The following STRA6 variants were observed in gnomAD, a reference collection of about 807,000 sequenced individuals.
The protein encoded by STRA6 is signaling receptor and transporter of retinol STRA6.
Under a neutral mutation model 83.6 loss-of-function variants are expected in STRA6, and 48 were observed. The observed-to-expected ratio is 0.57, with a 90% CI of 0.46 to 0.73. STRA6 has a LOEUF of 0.73. Ranked by LOEUF, STRA6 falls within the 30% of genes least tolerant of loss-of-function variation. The pLI, the probability that STRA6 is intolerant of heterozygous loss-of-function variation, is 0.00. For missense variants in STRA6, 760 were observed against 838.8 expected (o/e 0.91, Z 1.16); for synonymous variants, 353 against 362.3 (o/e 0.97, Z 0.29).
rs1250249300 is a variant in STRA6 at position 74,197,430 on chromosome 15, G to A, written c.181-7C>T. On this transcript the variant is annotated splice_polypyrimidine_tract_variant and splice_region_variant and intron_variant, in intron 3 of 18. Coordinates refer to ENST00000395105, the MANE Select transcript of STRA6 (RefSeq NM_022369.4). The stretch of plus-strand genomic sequence containing the variant: ...GGAGCAGCAGCACAAGGATCTGAAA[G>A]GAGAGTGCAGAGGAGGGCTTGGGGT... The A allele has an allele frequency of 6.4e-7, 1 of 1,550,400 alleles. No homozygotes were observed. Among genetic ancestry groups the A allele is most frequent in the Non-Finnish European group, 8.7e-7 (1 of 1,146,806 alleles).
upstream of STRA6, chr15:74,203,227 T>A: frequency 2.0e-6 from 2 of 985,060 alleles, no homozygotes; most frequent in Non-Finnish European, 2.4e-6. Flanking sequence ...TTCCTACAAG[T>A]TGATTTCACA....
intron 4 of STRA6, 119 bp downstream of exon 4, chr15:74,197,219 G>A (rs531915753): frequency 9.7e-6 from 7 of 723,778 alleles, no homozygotes; most frequent in African/African-American, 5.2e-5. Context: ...GGCTGAGGGC[G>A]ATAGGGATGT....
chr15:74,184,773 C>T (rs568874232), intron 13 of STRA6, among the ~76,000 whole-genome samples: 2 of 152,226 alleles, frequency 1.3e-5, no homozygotes, highest in Admixed American at 6.5e-5. Context: ...CACTCACAGA[C>T]GTTTCCCCAA....
At chr15:74,201,363 T>C (rs1326485664) in intron 2 of STRA6, among the ~76,000 whole-genome samples, 1 of 152,114 alleles carries the variant, frequency 6.6e-6, no homozygotes, top group Non-Finnish European at 1.5e-5. Flanking sequence ...AGATAAGGGA[T>C]GGGGCCAGGC....
chr15:74,203,387 T>C (rs2074171843), upstream of STRA6, among the ~76,000 whole-genome samples: 1 of 152,026 alleles, frequency 6.6e-6, no homozygotes, highest in African/African-American at 2.4e-5. Context: ...GGAGGAGGGC[T>C]CCTCCGCATT....
At chr15:74,201,436 T>C (rs1028435645) in intron 2 of STRA6, among the ~76,000 whole-genome samples, 1 of 150,706 alleles carries the variant, frequency 6.6e-6, no homozygotes, top group African/African-American at 2.4e-5. Flanking sequence ...TGGCAGGAGG[T>C]GGGGGACACA....
intron 2 of STRA6, among the ~76,000 whole-genome samples, chr15:74,200,055 A>G (rs958621989): frequency 2.7e-5 from 4 of 150,904 alleles, no homozygotes; most frequent in Admixed American, 2.6e-4. Flanking sequence ...TGTCTCCACT[A>G]AAAATACAAA....
intron 7 of STRA6, chr15:74,194,449 A>G: frequency 2.1e-6 from 2 of 972,062 alleles, no homozygotes; most frequent in Non-Finnish European, 2.5e-6. Flanking sequence ...GTGGTGAAAA[A>G]AAGCCACCAA....
intron 4 of STRA6, 54 bp from the exon 5 acceptor site, chr15:74,196,201 C>T: frequency 6.2e-7 from 1 of 1,604,854 alleles, no homozygotes. Context: ...CCTGCACCCC[C>T]ATTACCTCCC....
chr15:74,190,963 C>T lies in STRA6; in HGVS notation c.866-62G>A, dbSNP rs759040522. 3 of 1,609,560 alleles carry T rather than the reference C, an allele frequency of 1.9e-6. No individual in the cohort carries two copies. The African/African-American group carries it at 4.0e-5, about 22-fold the overall frequency. ...CCACTCAGGCCCGGGAGCCCTCCTC[C>T]CTCCCAAGGGGCCCAGGAAAAGGGC... On this transcript the variant is annotated intron_variant, in intron 10 of 18. Transcript: ENST00000395105.
chr15:74,199,097 G>A (rs960889486), intron 2 of STRA6, among the ~76,000 whole-genome samples: 11 of 152,200 alleles, frequency 7.2e-5, no homozygotes, highest in Non-Finnish European at 1.5e-5. Flanking sequence ...GTGGGCGAGG[G>A]CCTGAGATGG....
intron 12 of STRA6, among the ~76,000 whole-genome samples, chr15:74,185,411 C>T (rs1162160503): frequency 1.3e-5 from 2 of 152,230 alleles, no homozygotes; most frequent in African/African-American, 4.8e-5. Flanking sequence ...GAGGGCACTC[C>T]TTCTCCCCAG....
intron 7 of STRA6, chr15:74,194,909 A>G (rs1397501827): frequency 1.4e-6 from 2 of 1,421,394 alleles, no homozygotes; most frequent in Non-Finnish European, 1.8e-6. Flanking sequence ...GCCCTCTTAG[A>G]CCATCCCTGA....
rs765730887 is a variant in STRA6 at position 74,185,051 on chromosome 15, G to A, written c.1095C>T (p.Cys365=). 7.4e-6 allele frequency: 12 copies of A among 1,613,910 alleles called. No individual in the cohort carries two copies. The highest frequency in any genetic ancestry group is 1.0e-5 in the Non-Finnish European group (12 of 1,179,912). ...AGGACAAGACCAAGGCTGAGATGTA[G>A]CACACTGGTGGGCAGAGAATGAGCA... ...VKHHLWALEV[C]YISALVLSCL... Residue 365 remains cysteine, a synonymous_variant, in exon 13 of 19, where the codon TGC becomes TGT. Coordinates refer to ENST00000395105, the MANE Select transcript of STRA6 (RefSeq NM_022369.4).
At position 74,182,172 on chromosome 15, in the gene STRA6, C is replaced by T. The variant is rs780219813; in HGVS notation, c.1509G>A (p.Gln503=). Residue 503 remains glutamine (Q), a synonymous_variant, in exon 16 of 19, where the codon CAG becomes CAA. Coordinates refer to ENST00000395105, the MANE Select transcript of STRA6 (RefSeq NM_022369.4). ...VFLETHDGHP[Q]LTNRRVLYAA... is the part of the protein sequence containing the mutation. ...AGATGCCACCTCACCGGTTGGTCAG[C>T]TGTGGGTGTCCATCATGAGTCTCCA... 1 of 1,614,004 alleles carries T rather than the reference C, an allele frequency of 6.2e-7. No homozygotes were observed. The highest frequency in any genetic ancestry group is 8.5e-7 in the Non-Finnish European group (1 of 1,179,986).
chr15:74,203,486 C>A (rs534630663), upstream of STRA6, among the ~76,000 whole-genome samples: 2 of 152,212 alleles, frequency 1.3e-5, no homozygotes, highest in Non-Finnish European at 2.9e-5. Context: ...GGCCACTGTC[C>A]CTGGTGGAGG....
intron 1 of STRA6, chr15:74,208,783 A>G: frequency 1.0e-6 from 1 of 988,702 alleles, no homozygotes; most frequent in Non-Finnish European, 1.2e-6. Flanking sequence ...GGCCTCCCAG[A>G]CTTGGCTCCA....
In STRA6 at chr15:74,180,785, C is replaced by T. The variant is rs371354066; in HGVS notation, c.1837G>A (p.Glu613Lys). 2.4e-5 allele frequency: 38 copies of T among 1,604,604 alleles called. No homozygotes were observed. The highest frequency in any genetic ancestry group is 1.5e-4 in the Admixed American group (9 of 59,682). Residue 613 changes from glutamate (E) to lysine (K), a missense_variant, in exon 18 of 19, where the codon GAA becomes AAA. Coordinates refer to ENST00000395105, the MANE Select transcript of STRA6 (RefSeq NM_022369.4). ...CATTCCCAGTGGGAGGGCGCACCTT[C>T]GTCTTCCTCCCCTGGTCTGAGGCTG... is the stretch of plus-strand genomic sequence containing the variant. ...QDSLRPGEED[E>K]GMQLLQTKDS...
chr15:74,197,800 G>A lies in STRA6; in HGVS notation c.132C>T (p.His44=). The A allele has an allele frequency of 6.2e-7, 1 of 1,613,504 alleles. No homozygotes were observed. Among genetic ancestry groups the A allele is most frequent in the Non-Finnish European group, 8.5e-7 (1 of 1,180,020 alleles). The change falls in exon 3 of 19, where the codon CAC becomes CAT. Residue 44 remains histidine (H), a synonymous_variant. Transcript: ENST00000395105. ...GGTACAGGCCGGGTGGTATGCTGGTGTGGCAGGAGGGCACTTCCCTGCAGA... is the reference window on the plus strand; with the variant it reads ...GGTACAGGCCGGGTGGTATGCTGGTATGGCAGGAGGGCACTTCCCTGCAGA... ...LQPEGEVPSC[H]TSIPPGLYHA...
Sources: allele counts gnomAD v4.1 joint callset (sites outside exome capture counted in the v4.1 genomes callset), GRCh38; gene constraint gnomAD v4.1.1; transcripts MANE v1.5; gene names NCBI Gene and HGNC (gene_info 2026-07-23, HGNC 2026-07-21).